The following MSI2 variants were observed in gnomAD, a reference collection of about 807,000 sequenced individuals.
MSI2 encodes musashi RNA binding protein 2.
MSI2 carries 17 observed loss-of-function variants against 45.6 expected under a neutral mutation model. That is an observed-to-expected ratio of 0.37 (90% confidence interval 0.26 to 0.56). MSI2 has a LOEUF of 0.56. Ranked by LOEUF, MSI2 falls within the 20% of genes least tolerant of loss-of-function variation. The pLI, the probability that MSI2 is intolerant of heterozygous loss-of-function variation, is 0.77. For synonymous variants in MSI2, 156 were observed against 158.2 expected (o/e 0.99, Z 0.11); for missense variants, 293 against 444.2 (o/e 0.66, Z 3.06).
intron 5 of MSI2, among the ~76,000 whole-genome samples, chr17:57,371,068 T>A (rs1402931201): frequency 6.6e-6 from 1 of 152,198 alleles, no homozygotes; most frequent in Non-Finnish European, 1.5e-5. Flanking sequence ...GTGTTGCTGT[T>A]TTCTTGTTAA....
chr17:57,475,670 G>A (rs942987134), intron 6 of MSI2, among the ~76,000 whole-genome samples: 5 of 151,934 alleles, frequency 3.3e-5, no homozygotes, highest in Admixed American at 1.3e-4. Context: ...AGTGCCACCC[G>A]TAACCCCATG....
chr17:57,675,639 C>G (rs1913177163), intron 12 of MSI2, among the ~76,000 whole-genome samples: 1 of 152,148 alleles, frequency 6.6e-6, no homozygotes, highest in Non-Finnish European at 1.5e-5. Context: ...AATAGAGCCC[C>G]TGATCTAAGG....
chr17:57,602,416 G>A (rs979299546), intron 8 of MSI2, among the ~76,000 whole-genome samples: 9 of 152,072 alleles, frequency 5.9e-5, no homozygotes, highest in Non-Finnish European at 1.3e-4. Flanking sequence ...GCAGTGGCAC[G>A]ATCTCGGCTT....
intron 5 of MSI2, among the ~76,000 whole-genome samples, chr17:57,316,801 T>C (rs1446903715): frequency 6.6e-6 from 1 of 152,210 alleles, no homozygotes; most frequent in African/African-American, 2.4e-5. Flanking sequence ...GGTCCGGTTT[T>C]GTGGATTCAT....
chr17:57,262,064 A>C, intron 4 of MSI2, 87 bp from the exon 5 acceptor site: 2 of 1,397,818 alleles, frequency 1.4e-6, no homozygotes, highest in South Asian at 2.4e-5. Flanking sequence ...AAGCCTGAGA[A>C]ATGAGTGATT....
rs566350632 is a variant in MSI2 at position 57,267,688 on chromosome 17, T to C, written c.312+5496T>C. On this transcript the variant is annotated intron_variant, in intron 5 of 13. Coordinates refer to ENST00000284073, the MANE Select transcript of MSI2 (RefSeq NM_138962.4). Reference sequence around the variant, plus strand: ...TCTAGTGTGTTCATTTAACAAGAGCTGGGTTAATCCTTGTTCATTGCCAAC... The same window carrying C: ...TCTAGTGTGTTCATTTAACAAGAGCCGGGTTAATCCTTGTTCATTGCCAAC... The C allele has an allele frequency of 1.2e-4, 18 of 152,056 alleles. No homozygotes were observed. In the East Asian group the frequency reaches 3.1e-3, roughly 26 times the overall value. 9.4% of individuals were successfully genotyped at this position (152,056 alleles called of 1,614,324 possible).
rs547920410 is a variant in MSI2, at chr17:57,654,205, G to A, written c.790+2044G>A. ...CAACCCTGCAGTGCTGCCGGGCAGG[G>A]TGTGTCAGGGGCTTGGGATGTGCCC... On this transcript the variant is annotated intron_variant, in intron 11 of 13. Coordinates refer to ENST00000284073, the MANE Select transcript of MSI2 (RefSeq NM_138962.4). Among the ~76,000 whole-genome samples, 7 of 152,322 alleles carry A rather than the reference G, an allele frequency of 4.6e-5. No homozygotes were observed. In the South Asian group the frequency reaches 1.5e-3, roughly 32 times the overall value.
At chr17:57,474,577 CT>C (rs1213891976) in intron 6 of MSI2, among the ~76,000 whole-genome samples, 1 of 152,204 alleles carries the variant, frequency 6.6e-6, no homozygotes, top group Non-Finnish European at 1.5e-5. Flanking sequence ...CCAAGGTCCC[CT>C]GGAAAGCAAA....
chr17:57,257,220 C>A (rs1266965869), intron 2 of MSI2, 82 bp downstream of exon 2: 20 of 372,934 alleles, frequency 5.4e-5, no homozygotes, highest in Non-Finnish European at 7.5e-5. Flanking sequence ...GTAGGAGCCC[C>A]CCCCCCCCCG....
intron 5 of MSI2, among the ~76,000 whole-genome samples, chr17:57,353,250 A>C (rs1477444509): frequency 6.6e-6 from 1 of 152,174 alleles, no homozygotes; most frequent in Non-Finnish European, 1.5e-5. Flanking sequence ...GTACTGACCA[A>C]ATGGGAGTGG....
At chr17:57,653,865 A>C in intron 11 of MSI2, among the ~76,000 whole-genome samples, 1 of 146,824 alleles carries the variant, frequency 6.8e-6, no homozygotes, top group Non-Finnish European at 1.5e-5. Flanking sequence ...CCTCTCATGG[A>C]CTCCCAGAGC....
intron 6 of MSI2, among the ~76,000 whole-genome samples, chr17:57,467,172 C>G (rs2085344726): frequency 6.6e-6 from 1 of 152,356 alleles, no homozygotes; most frequent in Admixed American, 6.5e-5. Flanking sequence ...TTGACCAAGC[C>G]TCTGTCCCTG....
At chr17:57,628,156 A>AC (rs1258723947) in intron 10 of MSI2, 2 of 152,190 alleles carry the variant, frequency 1.3e-5, no homozygotes, top group African/African-American at 4.8e-5. Context: ...AGGTGTAGGG[A>AC]CAGAGTCTTG....
chr17:57,401,334 A>T, intron 5 of MSI2, 45 bp from the exon 6 acceptor site: 1 of 1,511,018 alleles, frequency 6.6e-7, no homozygotes, highest in Non-Finnish European at 9.2e-7. Context: ...GCCCTGCTTT[A>T]GATAACCTGG....
chr17:57,398,366 T>A (rs951075500), intron 5 of MSI2, among the ~76,000 whole-genome samples: 1 of 152,176 alleles, frequency 6.6e-6, no homozygotes, highest in Admixed American at 6.5e-5. Flanking sequence ...TGTTGGTAGA[T>A]CACGTTAGTG....
intron 11 of MSI2, among the ~76,000 whole-genome samples, chr17:57,653,507 G>T (rs1312909486): frequency 6.6e-6 from 1 of 152,138 alleles, no homozygotes; most frequent in East Asian, 1.9e-4. Flanking sequence ...CCCGGGGGCG[G>T]GGTGCACAGC....
intron 5 of MSI2, among the ~76,000 whole-genome samples, chr17:57,347,461 G>A (rs1319362547): frequency 1.3e-5 from 2 of 152,170 alleles, no homozygotes; most frequent in Non-Finnish European, 2.9e-5. Context: ...CTGCCTGTGG[G>A]TCTCATTGCT....
chr17:57,548,088 T>G (rs1450889477), intron 7 of MSI2, among the ~76,000 whole-genome samples: 2 of 152,190 alleles, frequency 1.3e-5, no homozygotes, highest in African/African-American at 4.8e-5. Flanking sequence ...GGACGCTCTT[T>G]AGTACGCATC....
intron 10 of MSI2, among the ~76,000 whole-genome samples, chr17:57,638,389 G>A (rs1909995557): frequency 6.6e-6 from 1 of 152,186 alleles, no homozygotes. Context: ...AGGGCCTCCT[G>A]GGGCACAAGT....
Sources: gnomAD v4.1 joint callset for allele counts (sites outside exome capture counted in the v4.1 genomes callset) on GRCh38, gnomAD v4.1.1 for gene constraint, MANE v1.5 for transcripts, NCBI Gene and HGNC (gene_info 2026-07-23, HGNC 2026-07-21) for gene names.